The following RAB8A variants were observed in gnomAD, a reference collection of about 807,000 sequenced individuals.
RAB8A encodes the protein RAB8A, member RAS oncogene family, also known as ras-related protein Rab-8A.
Under a neutral mutation model 29.2 loss-of-function variants are expected in RAB8A, and 5 were observed. That is an observed-to-expected ratio of 0.17 (90% confidence interval 0.09 to 0.36). The LOEUF is 0.36. Among genes scored for constraint, RAB8A ranks in the 10% least tolerant of loss-of-function variants. The pLI, the probability that RAB8A is intolerant of heterozygous loss-of-function variation, is 1.00. For synonymous variants in RAB8A, 108 were observed against 99.9 expected (o/e 1.08, Z -0.49); for missense variants, 171 against 272.2 (o/e 0.63, Z 2.62).
intron 3 of RAB8A, 109 bp downstream of exon 3, chr19:16,121,919 A>G: frequency 4.6e-6 from 5 of 1,081,516 alleles, no homozygotes; most frequent in Non-Finnish European, 7.0e-6. Context: ...CCGTGCCCCA[A>G]CTCCTCAGGG....
chr19:16,127,807 C>G lies in RAB8A; in HGVS notation c.415-219C>G. The G allele has an allele frequency of 1.6e-6, 1 of 630,046 alleles. No homozygotes were observed. Among genetic ancestry groups the G allele is most frequent in the Non-Finnish European group, 2.9e-6 (1 of 350,530 alleles). The allele number at this position is 630,046 out of a possible 1,614,324, so 39.0% of individuals were successfully genotyped here. A position where few individuals can be genotyped will look rare whatever the true frequency, so the allele number is the denominator to read the frequency against. On this transcript the variant is annotated intron_variant, in intron 5 of 7. Transcript: ENST00000300935. The surrounding 1 kb of genome is among the most constrained non-coding windows in gnomAD (Gnocchi z 4.8). ...ATCCCAGCAGGTCCCCGCCACCCTC[C>G]CATCTCAGCTGCCATCCCCAGCAAC...
At chr19:16,128,451 G>A (rs983522128) in intron 6 of RAB8A, among the ~76,000 whole-genome samples, 2 of 152,124 alleles carry the variant, frequency 1.3e-5, no homozygotes, top group Non-Finnish European at 1.5e-5. Flanking sequence ...AGAGGCCCCT[G>A]TCAAAAAAGC....
At chr19:16,126,901 A>C (rs1208986145) in intron 4 of RAB8A, 1 of 152,212 alleles carries the variant, frequency 6.6e-6, no homozygotes, top group Non-Finnish European at 1.5e-5. Flanking sequence ...CGGGAGGTTG[A>C]GGATCGCTTG....
At chr19:16,118,400 C>T (rs967969530) in intron 2 of RAB8A, 114 bp downstream of exon 2, 43 of 927,644 alleles carry the variant, frequency 4.6e-5, no homozygotes, top group Non-Finnish European at 6.7e-5. Flanking sequence ...TCTTGGTGCC[C>T]AGTCCTGGCA....
intron 3 of RAB8A, 63 bp downstream of exon 3, chr19:16,121,873 G>A (rs754055182): frequency 9.9e-5 from 147 of 1,484,158 alleles, no homozygotes; most frequent in Admixed American, 1.5e-4. Flanking sequence ...GCGTCACTGT[G>A]CATTGGTTAC....
intron 6 of RAB8A, 78 bp downstream of exon 6, chr19:16,128,169 C>G: frequency 6.8e-7 from 1 of 1,478,192 alleles, no homozygotes; most frequent in Non-Finnish European, 9.4e-7. Flanking sequence ...CTGGCGTCCT[C>G]CGAGGAGGTC....
chr19:16,126,929 T>C (rs998542848), intron 4 of RAB8A: 2 of 151,594 alleles, frequency 1.3e-5, no homozygotes, highest in African/African-American at 4.9e-5. Flanking sequence ...AGGCAGAGGT[T>C]GCAGTGAGCC....
At chr19:16,131,848 ATGGATGGTTGGT>A in intron 7 of RAB8A, among the ~76,000 whole-genome samples, 1 of 112,620 alleles carries the variant, frequency 8.9e-6, no homozygotes. Context: ...AAGGGTATAG[ATGGATGGTTGGT>A]TGGTTGGTTG....
intron 2 of RAB8A, among the ~76,000 whole-genome samples, chr19:16,120,921 C>CT (rs1334995046): frequency 8.8e-6 from 1 of 113,628 alleles, no homozygotes; most frequent in African/African-American, 3.2e-5. Context: ...AGTTAGGTTA[C>CT]CTTTTTTTTT....
In RAB8A at chr19:16,128,099, C is replaced by T. The variant is rs763562909; in HGVS notation, c.480+8C>T. The T allele has an allele frequency of 6.2e-7, 1 of 1,613,786 alleles. No homozygotes were observed. Among genetic ancestry groups the T allele is most frequent in the South Asian group, 1.1e-5 (1 of 91,072 alleles). ...AACATCAATGTGGAAAATGTGAGTC[C>T]CGGGCCCTGCTGGGAGACATGGGGC... On this transcript the variant is annotated splice_region_variant and intron_variant, in intron 6 of 7. Transcript: ENST00000300935.
At chr19:16,118,892 C>T (rs1407809091) in intron 2 of RAB8A, among the ~76,000 whole-genome samples, 1 of 152,230 alleles carries the variant, frequency 6.6e-6, no homozygotes, top group African/African-American at 2.4e-5. Flanking sequence ...TCCAAGTCGC[C>T]ATCGCTGGCC....
At chr19:16,128,494 G>C (rs536136253) in intron 6 of RAB8A, among the ~76,000 whole-genome samples, 14 of 152,158 alleles carry the variant, frequency 9.2e-5, no homozygotes, top group Non-Finnish European at 1.9e-4. Context: ...ATGGGACCTG[G>C]GCCCATGCCA....
chr19:16,131,509 T>C (rs1156368420), intron 7 of RAB8A, among the ~76,000 whole-genome samples: 1 of 150,580 alleles, frequency 6.6e-6, no homozygotes, highest in Non-Finnish European at 1.5e-5. Context: ...AGGGGATGGA[T>C]GGATGGTTGA....
intron 1 of RAB8A, 140 bp downstream of exon 1, chr19:16,112,165 G>A: frequency 7.9e-7 from 1 of 1,269,588 alleles, no homozygotes; most frequent in South Asian, 1.4e-5. Context: ...GAGAAGAGCA[G>A]TCGCCTGCAC....
intron 2 of RAB8A, among the ~76,000 whole-genome samples, chr19:16,120,600 C>T (rs1258745479): frequency 1.4e-5 from 2 of 148,020 alleles, no homozygotes; most frequent in African/African-American, 2.5e-5. Context: ...AGTGAGCCAA[C>T]ACGCCTGGCT....
intron 1 of RAB8A, among the ~76,000 whole-genome samples, chr19:16,113,940 T>A (rs1345073458): frequency 6.6e-6 from 1 of 152,050 alleles, no homozygotes; most frequent in East Asian, 1.9e-4. Flanking sequence ...AGGAAGCAAA[T>A]GAATGGCTCC....
At position 16,125,664 on chromosome 19, in the gene RAB8A, T is replaced by C. The variant is rs972657186; in HGVS notation, c.324+117T>C. The C allele has an allele frequency of 9.2e-6, 9 of 973,466 alleles. No homozygotes were observed. Among genetic ancestry groups the C allele is most frequent in the East Asian group, 5.2e-5 (2 of 38,328 alleles). The allele number at this position is 973,466 out of a possible 1,614,324, so 60.3% of individuals were successfully genotyped here. On this transcript the variant is annotated intron_variant, in intron 4 of 7. Coordinates refer to ENST00000300935, the MANE Select transcript of RAB8A (RefSeq NM_005370.5). This position sits in a 1 kb window ranked among gnomAD's most constrained non-coding sequence, Gnocchi z 5.0. Reference sequence around the variant, plus strand: ...ACATACAGGCCACTTGCCCACAGCCTCCTAGTCAGGGACATGGTGGGAGCA... The same window carrying C: ...ACATACAGGCCACTTGCCCACAGCCCCCTAGTCAGGGACATGGTGGGAGCA...
chr19:16,129,481 AC>A, intron 6 of RAB8A, 72 bp from the exon 7 acceptor site: 2 of 1,474,504 alleles, frequency 1.4e-6, no homozygotes, highest in Non-Finnish European at 1.9e-6. Context: ...GTCTCACCAC[AC>A]CCGCTGTACA....
intron 7 of RAB8A, 148 bp downstream of exon 7, chr19:16,129,752 G>A: frequency 2.4e-6 from 2 of 817,298 alleles, no homozygotes; most frequent in Non-Finnish European, 4.0e-6. Flanking sequence ...GGAAGAGTTT[G>A]CAGGTGTGGC....
Sources: gnomAD v4.1 joint callset for allele counts (sites outside exome capture counted in the v4.1 genomes callset) on GRCh38, gnomAD v4.1.1 for gene constraint, Gnocchi (gnomAD v3.1) non-coding constraint, MANE v1.5 for transcripts, NCBI Gene and HGNC (gene_info 2026-07-23, HGNC 2026-07-21) for gene names.